KANK1: variants seen among roughly 807,000 people sequenced by gnomAD.
The protein encoded by KANK1 is KN motif and ankyrin repeat domain-containing protein 1.
In KANK1, 109 loss-of-function variants were observed where a neutral mutation model predicts 106.2. The ratio of observed to expected loss-of-function variants is 1.03; its 90% CI spans 0.88 to 1.20. The LOEUF (loss-of-function observed/expected upper bound fraction) is 1.20. Ranked by LOEUF, KANK1 falls within the 50% of genes most tolerant of loss-of-function variation. The pLI is 0.00. For synonymous variants in KANK1, 873 were observed against 652.2 expected, an observed-to-expected ratio of 1.34 and a Z score of -5.16; for missense variants, 2,399 against 1,710.7, an observed-to-expected ratio of 1.40 and a Z score of -7.10.
At chr9:580,942 G>T (rs1168847177) in intron 1 of KANK1, among the ~76,000 whole-genome samples, 1 of 152,216 alleles carries the variant, frequency 6.6e-6, no homozygotes, top group Non-Finnish European at 1.5e-5. Context: ...GGCCTGGTGA[G>T]AATTGGAGCG....
At chr9:706,821 A>ACC in intron 2 of KANK1, 1 of 985,404 alleles carries the variant, frequency 1.0e-6, no homozygotes, top group South Asian at 4.7e-5. Context: ...GTGCCTCTGC[A>ACC]CCTCCTCAGG....
chr9:513,018 G>A (rs1001474480), intron 1 of KANK1, among the ~76,000 whole-genome samples: 7 of 152,208 alleles, frequency 4.6e-5, no homozygotes. Flanking sequence ...TGGTGTTGGG[G>A]AGGGACATGG....
At chr9:603,754 G>C (rs567496161) in intron 1 of KANK1, among the ~76,000 whole-genome samples, 1 of 151,360 alleles carries the variant, frequency 6.6e-6, no homozygotes, top group Non-Finnish European at 1.5e-5. Flanking sequence ...TCTGGAGTCC[G>C]AGACCAGTCT....
chr9:552,365 A>G lies in KANK1; in HGVS notation c.-84+47611A>G, dbSNP rs112155721. ...AGGTCAGTTAGCCGGTGATTGCCCA[A>G]GCCAAGACTCAAACTCATTTTTATG... On this transcript the variant is annotated intron_variant, in intron 1 of 11. Transcript: ENST00000382297. 5.2e-3 allele frequency among the ~76,000 whole-genome samples: 799 copies of G among 152,292 alleles called. 13 individuals are homozygous for G. The highest frequency in any genetic ancestry group is 0.019 in the African/African-American group (787 of 41,564).
intron 1 of KANK1, among the ~76,000 whole-genome samples, chr9:633,819 A>C (rs1836407769): frequency 6.6e-6 from 1 of 152,036 alleles, no homozygotes. Context: ...CACCTGGCTA[A>C]GTTTTTATTT....
At chr9:580,755 C>T (rs953073967) in intron 1 of KANK1, among the ~76,000 whole-genome samples, 19 of 152,274 alleles carry the variant, frequency 1.2e-4, no homozygotes, top group Non-Finnish European at 7.3e-5. Flanking sequence ...CCTGCCAGTC[C>T]CGCGCTGTGC....
At chr9:687,504 C>T (rs1032007410) in intron 2 of KANK1, among the ~76,000 whole-genome samples, 13 of 152,076 alleles carry the variant, frequency 8.5e-5, no homozygotes, top group African/African-American at 2.4e-4. Context: ...TAGGCCTTAC[C>T]GGAGGTCCAT....
At chr9:669,086 A>G (rs1052194628) in intron 1 of KANK1, among the ~76,000 whole-genome samples, 7 of 152,118 alleles carry the variant, frequency 4.6e-5, no homozygotes, top group African/African-American at 1.2e-4. Flanking sequence ...ACAACCCTCC[A>G]TCTTTAATTC....
chr9:712,929 AG>A lies in KANK1; in HGVS notation c.2165del (p.Gly722AlafsTer33). Reference sequence around the variant, plus strand: ...AGACGCGGACAGTAGCTGTAGGAGAAGGCCGTGTCAAGGACATCAACTCCTC... The same window carrying A: ...AGACGCGGACAGTAGCTGTAGGAGAAGCCGTGTCAAGGACATCAACTCCTC... ...VETRTVAVGE[G>X]RVKDINSSTK... On this transcript the variant is annotated frameshift_variant, in exon 3 of 12. Coordinates refer to ENST00000382297, the MANE Select transcript of KANK1 (RefSeq NM_015158.5). LOFTEE classifies it high-confidence loss of function. The A allele has an allele frequency of 6.2e-7, 1 of 1,614,168 alleles. No homozygotes were observed. The highest frequency in any genetic ancestry group is 8.5e-7 in the Non-Finnish European group (1 of 1,180,050).
At chr9:739,539 C>G (rs955669940) in intron 8 of KANK1, among the ~76,000 whole-genome samples, 5 of 152,164 alleles carry the variant, frequency 3.3e-5, no homozygotes, top group African/African-American at 1.2e-4. Context: ...GAAGGAATTT[C>G]AAGCCCCTCC....
At chr9:574,432 A>G (rs1315876153) in intron 1 of KANK1, among the ~76,000 whole-genome samples, 1 of 139,592 alleles carries the variant, frequency 7.2e-6, no homozygotes, top group Non-Finnish European at 1.5e-5. Context: ...CTCTGGGAAA[A>G]TGAGCCTCAC....
intron 1 of KANK1, among the ~76,000 whole-genome samples, chr9:525,546 AT>A (rs1451644039): frequency 2.0e-5 from 3 of 150,966 alleles, no homozygotes; most frequent in Non-Finnish European, 2.9e-5. Context: ...TGCCCTGCTA[AT>A]TTTTGTATTT....
chr9:678,951 G>A (rs10815463), intron 2 of KANK1, among the ~76,000 whole-genome samples: 25,410 of 151,814 alleles, frequency 0.17, 3,102 homozygotes, highest in East Asian at 0.31. Flanking sequence ...TGGTGCCTTG[G>A]GCAAAATCCT....
chr9:558,759 G>T (rs1361469375), intron 1 of KANK1: 1 of 151,956 alleles, frequency 6.6e-6, no homozygotes, highest in African/African-American at 2.4e-5. Context: ...CTAGAACAAA[G>T]AGTGTAGGCT....
chr9:492,157 A>G (rs2058388396), intron 3 of KANK1: 1 of 152,238 alleles, frequency 6.6e-6, no homozygotes, highest in Admixed American at 6.5e-5. Context: ...TAGTAGGAGA[A>G]AAGACAGAGT....
chr9:638,154 C>T (rs867323915), intron 1 of KANK1, among the ~76,000 whole-genome samples: 17 of 152,282 alleles, frequency 1.1e-4, no homozygotes, highest in African/African-American at 3.6e-4. Context: ...CCTTAAGATA[C>T]AAACAAAGCA....
rs746823315 is a variant in KANK1, at chr9:712,598, A to G, written c.1832A>G (p.Asn611Ser). Residue 611 changes from asparagine (N) to serine (S), a missense_variant, in exon 3 of 12, where the codon AAC (asparagine) becomes AGC (serine). Asn to Ser is a conservative substitution (Grantham distance 46). Coordinates refer to ENST00000382297, the MANE Select transcript of KANK1 (RefSeq NM_015158.5). ...GGCAGCAACACAGAGGAGTCTGTGA[A>G]CGACCTCACACTCCTCAAGACAAAC... is the stretch of plus-strand genomic sequence containing the variant. Reference protein sequence around the residue: ...ETGSNTEESVNDLTLLKTNLN... With the variant: ...ETGSNTEESVSDLTLLKTNLN... 37 of 1,614,044 alleles carry G rather than the reference A, an allele frequency of 2.3e-5. No individual in the cohort carries two copies. In the South Asian group the frequency reaches 4.1e-4, roughly 18 times the overall value.
At chr9:714,797 A>G (rs1271583014) in intron 3 of KANK1, among the ~76,000 whole-genome samples, 1 of 152,180 alleles carries the variant, frequency 6.6e-6, no homozygotes, top group African/African-American at 2.4e-5. Flanking sequence ...ATTCCCTGTG[A>G]GCCTTACCAA....
chr9:540,355 T>C (rs547809149), intron 1 of KANK1, among the ~76,000 whole-genome samples: 1 of 152,368 alleles, frequency 6.6e-6, no homozygotes, highest in African/African-American at 2.4e-5. Context: ...TTGCATATGT[T>C]GAACCATCTT....
Sources: allele counts gnomAD v4.1 joint callset (sites outside exome capture counted in the v4.1 genomes callset), GRCh38; gene constraint gnomAD v4.1.1; transcripts MANE v1.5; gene names NCBI Gene and HGNC (gene_info 2026-07-23, HGNC 2026-07-21).